The following VSTM4 variants were observed in gnomAD, a reference collection of about 807,000 sequenced individuals.
VSTM4 encodes the protein V-set and transmembrane domain containing 4.
VSTM4 carries 20 observed loss-of-function variants against 36.4 expected under a neutral mutation model. That is an observed-to-expected ratio of 0.55 (90% CI 0.39 to 0.80). The LOEUF (loss-of-function observed/expected upper bound fraction) is 0.80, where lower values mean the gene tolerates loss of function less well. Ranked by LOEUF, VSTM4 falls within the 30% of genes least tolerant of loss-of-function variation. The pLI is 0.00. For synonymous variants in VSTM4, 182 were observed against 173.9 expected (o/e 1.05, Z -0.37); for missense variants, 392 against 404.5 (o/e 0.97, Z 0.26).
chr10:49,020,458 A>C (rs1008031494), intron 7 of VSTM4, among the ~76,000 whole-genome samples: 8 of 152,120 alleles, frequency 5.3e-5, no homozygotes, highest in African/African-American at 1.9e-4. Flanking sequence ...AAAACAGATA[A>C]ACTGAAAAAT....
intron 5 of VSTM4, among the ~76,000 whole-genome samples, chr10:49,059,101 G>A (rs989481630): frequency 1.3e-5 from 2 of 152,196 alleles, no homozygotes; most frequent in African/African-American, 2.4e-5. Flanking sequence ...TAGCACTGGC[G>A]GCCAGTCTGG....
At chr10:49,098,669 G>A (rs1017170802) in intron 2 of VSTM4, among the ~76,000 whole-genome samples, 7 of 152,134 alleles carry the variant, frequency 4.6e-5, no homozygotes, top group African/African-American at 7.2e-5. Context: ...CATCCATGCC[G>A]CCCCCACATA....
At chr10:49,112,192 C>G (rs1203303827) in intron 1 of VSTM4, among the ~76,000 whole-genome samples, 1 of 152,172 alleles carries the variant, frequency 6.6e-6, no homozygotes, top group East Asian at 1.9e-4. Flanking sequence ...TATAACAAAA[C>G]TGATAGGGAA....
At chr10:49,051,503 C>T (rs567397439) in intron 5 of VSTM4, among the ~76,000 whole-genome samples, 4 of 151,000 alleles carry the variant, frequency 2.6e-5, no homozygotes, top group African/African-American at 9.7e-5. Context: ...TCAAGCGATT[C>T]TCCTGCCTCA....
intron 7 of VSTM4, among the ~76,000 whole-genome samples, chr10:49,024,959 T>C (rs61848154): frequency 0.049 from 7,379 of 151,574 alleles, 220 homozygotes; most frequent in Middle Eastern, 0.12. Flanking sequence ...TTTAAAGAGG[T>C]AATTAAGTTA....
intron 4 of VSTM4, among the ~76,000 whole-genome samples, chr10:49,074,906 C>A (rs1844146885): frequency 6.6e-6 from 1 of 151,968 alleles, no homozygotes; most frequent in Non-Finnish European, 1.5e-5. Context: ...CAACTTCACC[C>A]TACCGCTCCC....
At chr10:49,029,144 C>T (rs1457592477) in intron 7 of VSTM4, among the ~76,000 whole-genome samples, 1 of 152,208 alleles carries the variant, frequency 6.6e-6, no homozygotes, top group African/African-American at 2.4e-5. Context: ...TAGTACCCAA[C>T]TCAGGAGAGT....
At chr10:49,111,566 C>T (rs144239065) in intron 1 of VSTM4, among the ~76,000 whole-genome samples, 1 of 152,322 alleles carries the variant, frequency 6.6e-6, no homozygotes, top group Non-Finnish European at 1.5e-5. Context: ...GAAGGATTGC[C>T]AAAGTCACTC....
intron 2 of VSTM4, among the ~76,000 whole-genome samples, chr10:49,099,086 A>G (rs1844622742): frequency 6.6e-6 from 1 of 152,186 alleles, no homozygotes; most frequent in South Asian, 2.1e-4. Context: ...CTGTCTGGAA[A>G]TGAAGTTCCC....
rs538153666 is a variant in VSTM4, at chr10:49,092,935, G to A, written c.458-6912C>T. On this transcript the variant is annotated intron_variant, in intron 2 of 7. Transcript: ENST00000332853. ...ACCAGGCACCAGGCAGAGTTTGGCCGAGGCAGTCAGAAGAGAGCTGGGGCC... is the reference window on the plus strand; with the variant it reads ...ACCAGGCACCAGGCAGAGTTTGGCCAAGGCAGTCAGAAGAGAGCTGGGGCC... Among the ~76,000 whole-genome samples the A allele has an allele frequency of 4.6e-5, 7 of 152,290 alleles. No homozygotes were observed. In the South Asian group the frequency reaches 8.3e-4, roughly 18 times the overall value.
intron 7 of VSTM4, among the ~76,000 whole-genome samples, chr10:49,037,938 AAG>A (rs1439811217): frequency 1.5e-4 from 23 of 150,844 alleles, no homozygotes; most frequent in Non-Finnish European, 1.5e-4. Flanking sequence ...GCTACTATCA[AAG>A]AAAAAAAAAA....
chr10:49,096,668 T>TGTGTGTGTGTG (rs1564593231), intron 2 of VSTM4, among the ~76,000 whole-genome samples: 40 of 147,238 alleles, frequency 2.7e-4, no homozygotes, highest in African/African-American at 8.6e-4. Flanking sequence ...TGTGTGTGTG[T>TGTGTGTGTGTG]TTTGAGACGG....
chr10:49,045,138 C>T (rs1843587458), intron 7 of VSTM4, among the ~76,000 whole-genome samples: 1 of 152,082 alleles, frequency 6.6e-6, no homozygotes, highest in South Asian at 2.1e-4. Flanking sequence ...AATCCTCCAC[C>T]TTGCACTCCG....
At chr10:49,102,705 G>C (rs1716738020) in intron 2 of VSTM4, 1 of 985,412 alleles carries the variant, frequency 1.0e-6, no homozygotes, top group Non-Finnish European at 1.2e-6. Context: ...CATCCACCAA[G>C]TCACGCCTAC....
At chr10:49,055,138 T>C (rs1564575687) in intron 5 of VSTM4, among the ~76,000 whole-genome samples, 2 of 152,318 alleles carry the variant, frequency 1.3e-5, no homozygotes, top group Middle Eastern at 6.8e-3. Flanking sequence ...AAGATCCCCA[T>C]TCAGAAACCC....
chr10:49,100,618 A>G (rs1307782166), intron 2 of VSTM4, among the ~76,000 whole-genome samples: 2 of 152,176 alleles, frequency 1.3e-5, no homozygotes, highest in Non-Finnish European at 2.9e-5. Context: ...GGAATACAAC[A>G]AGTTCCTGGA....
chr10:49,078,888 G>A (rs1359607416), intron 3 of VSTM4, among the ~76,000 whole-genome samples: 5 of 152,216 alleles, frequency 3.3e-5, no homozygotes, highest in Non-Finnish European at 4.4e-5. Context: ...CTGGAGCGCA[G>A]TGGCATAATC....
chr10:49,025,657 T>A (rs1345720959), intron 7 of VSTM4, among the ~76,000 whole-genome samples: 2 of 152,258 alleles, frequency 1.3e-5, no homozygotes, highest in Non-Finnish European at 2.9e-5. Context: ...GAAGGGCACC[T>A]GGCTCCAGCA....
intron 7 of VSTM4, among the ~76,000 whole-genome samples, chr10:49,038,987 C>T (rs1368186091): frequency 6.6e-6 from 1 of 152,110 alleles, no homozygotes; most frequent in Non-Finnish European, 1.5e-5. Context: ...GGACCACCTG[C>T]AAGTACAAAG....
Sources: gnomAD v4.1 joint callset for allele counts (sites outside exome capture counted in the v4.1 genomes callset) on GRCh38, gnomAD v4.1.1 for gene constraint, MANE v1.5 for transcripts, NCBI Gene and HGNC (gene_info 2026-07-23, HGNC 2026-07-21) for gene names.